SUSD4: variants seen among roughly 807,000 people sequenced by gnomAD.
SUSD4 encodes the protein sushi domain-containing protein 4.
Under a neutral mutation model 50.5 loss-of-function variants are expected in SUSD4, and 41 were observed. The observed-to-expected ratio is 0.81, with a 90% CI of 0.63 to 1.05. The LOEUF is 1.05. SUSD4 is among the 50% of genes least tolerant of loss of function. SUSD4 has a pLI of 0.00. For missense variants in SUSD4, 580 were observed against 634.7 expected, an observed-to-expected ratio of 0.91 and a Z score of 0.93; for synonymous variants, 257 against 257.3, an observed-to-expected ratio of 1.00 and a Z score of 0.01.
At chr1:223,271,258 T>G (rs1662901298) in intron 3 of SUSD4, among the ~76,000 whole-genome samples, 1 of 152,220 alleles carries the variant, frequency 6.6e-6, no homozygotes, top group Non-Finnish European at 1.5e-5. Context: ...TTGGGCATTA[T>G]GGACACGTGG....
chr1:223,268,576 C>G lies in SUSD4; in HGVS notation c.461G>C (p.Arg154Pro). The G allele has an allele frequency of 6.2e-7, 1 of 1,610,936 alleles. No homozygotes were observed. The highest frequency in any genetic ancestry group is 1.3e-5 in the African/African-American group (1 of 74,516). Residue 154 changes from arginine to proline, a missense_variant, in exon 4 of 9, where the codon CGG (arginine) becomes CCG (proline). Transcript: ENST00000366878. The part of the protein sequence containing the change: ...IITCHEGFKI[R>P]YPDLHNMVSL... The stretch of plus-strand genomic sequence containing the variant: ...AACCATATTGTGTAGGTCGGGGTAC[C>G]GGATCTTGAATCCTTCATGACAAGT...
intron 3 of SUSD4, chr1:223,289,369 T>G: frequency 1.1e-6 from 1 of 931,448 alleles, no homozygotes; most frequent in Non-Finnish European, 1.3e-6. Context: ...TCTATAAATT[T>G]AGTTCACTTG....
chr1:223,240,038 AT>A (rs373418922), intron 5 of SUSD4, among the ~76,000 whole-genome samples: 43 of 151,912 alleles, frequency 2.8e-4, no homozygotes, highest in African/African-American at 7.2e-4. Flanking sequence ...CTGAACGTTA[AT>A]TTTTGTGGGG....
At chr1:223,261,757 G>T (rs1331986246) in intron 5 of SUSD4, among the ~76,000 whole-genome samples, 1 of 152,168 alleles carries the variant, frequency 6.6e-6, no homozygotes, top group African/African-American at 2.4e-5. Flanking sequence ...AGAGAGTCAT[G>T]CTAGGTTCTC....
Position 223,223,533 on chromosome 1 carries a change from A to C in SUSD4, c.1160T>G (p.Leu387Trp). ...CATGTACCCGGGGCCTAAGGCACTC[A>C]AGCCGCCACTCACAGCTTCGTCATA... ...PSYDEAVSGG[L>W]SALGPGYMAS... is the part of the protein sequence containing the mutation. Residue 387 changes from leucine to tryptophan, a missense_variant, in exon 8 of 9, where the codon TTG (leucine) becomes TGG (tryptophan). Coordinates refer to ENST00000366878, the MANE Select transcript of SUSD4 (RefSeq NM_017982.4). The C allele has an allele frequency of 6.2e-7, 1 of 1,612,610 alleles. No homozygotes were observed.
At chr1:223,244,713 G>C (rs1216952526) in intron 5 of SUSD4, among the ~76,000 whole-genome samples, 1 of 152,158 alleles carries the variant, frequency 6.6e-6, no homozygotes, top group East Asian at 1.9e-4. Context: ...GTGGTAGGGA[G>C]CTGCTCTGTC....
At chr1:223,247,399 C>G (rs1661012770) in intron 5 of SUSD4, among the ~76,000 whole-genome samples, 1 of 152,230 alleles carries the variant, frequency 6.6e-6, no homozygotes, top group Non-Finnish European at 1.5e-5. Context: ...GCCAGCAGAG[C>G]TTCCACTGGC....
At chr1:223,327,070 T>C (rs762317245) in intron 2 of SUSD4, among the ~76,000 whole-genome samples, 11 of 152,112 alleles carry the variant, frequency 7.2e-5, no homozygotes, top group African/African-American at 2.4e-4. Flanking sequence ...CAATTCACAA[T>C]TGCAAAAATA....
chr1:223,278,245 G>A (rs1663421903), intron 3 of SUSD4, among the ~76,000 whole-genome samples: 1 of 152,164 alleles, frequency 6.6e-6, no homozygotes. Context: ...CCCACCGAGT[G>A]TGAGCCAAAG....
chr1:223,222,867 T>C (rs1047996752), intron 8 of SUSD4, among the ~76,000 whole-genome samples: 2 of 152,148 alleles, frequency 1.3e-5, no homozygotes, highest in Non-Finnish European at 1.5e-5. Flanking sequence ...TGCCATCCTG[T>C]CCCTAAGCCC....
Position 223,223,236 on chromosome 1 carries a change from G to T in SUSD4, c.1444+13C>A, listed in dbSNP as rs1247454116. 6.6e-7 allele frequency: 1 copy of T among 1,522,260 alleles called. No homozygotes were observed. The highest frequency in any genetic ancestry group is 1.4e-5 in the African/African-American group (1 of 72,566). The allele number at this position is 1,522,260 out of a possible 1,614,324, so 94.3% of individuals were successfully genotyped here. ...TTTGCAGGTGTGGCTTGGGCCCTGG[G>T]GCAAGCACTTACCATCTGCAATGTC... On this transcript the variant is annotated intron_variant, in intron 8 of 8. Transcript: ENST00000366878.
chr1:223,289,145 C>T (rs953922460), intron 3 of SUSD4: 4 of 985,432 alleles, frequency 4.1e-6, no homozygotes, highest in Middle Eastern at 5.2e-4. Context: ...CCTGCGCCCA[C>T]GGGGTGTATT....
rs762803469 is a variant in SUSD4 at position 223,227,764 on chromosome 1, C to T, written c.917-26G>A. 7.6e-5 allele frequency: 120 copies of T among 1,587,506 alleles called. 2 individuals are homozygous for T. The South Asian group carries it at 8.2e-4, about 11-fold the overall frequency. On this transcript the variant is annotated intron_variant, in intron 6 of 8. Transcript: ENST00000366878. The surrounding 1 kb of genome is among the most constrained non-coding windows in gnomAD (Gnocchi z 4.5). ...CTGCATGAGGGAGAACAAAGCTGTACGTGAGGCTCCCAGACCATGAGAGGT... is the reference window on the plus strand; with the variant it reads ...CTGCATGAGGGAGAACAAAGCTGTATGTGAGGCTCCCAGACCATGAGAGGT...
At chr1:223,315,692 A>G (rs1023416441) in intron 2 of SUSD4, among the ~76,000 whole-genome samples, 1 of 152,184 alleles carries the variant, frequency 6.6e-6, no homozygotes, top group Non-Finnish European at 1.5e-5. Flanking sequence ...AATCCATCAG[A>G]TGGCTACAAT....
intron 5 of SUSD4, among the ~76,000 whole-genome samples, chr1:223,262,593 C>T (rs930870895): frequency 2.0e-5 from 3 of 152,292 alleles, no homozygotes; most frequent in Admixed American, 6.5e-5. Context: ...CGAATCCTTA[C>T]CTCTTAGTTT....
At chr1:223,251,665 G>A (rs376394864) in intron 5 of SUSD4, among the ~76,000 whole-genome samples, 1 of 152,146 alleles carries the variant, frequency 6.6e-6, no homozygotes, top group African/African-American at 2.4e-5. Flanking sequence ...TTGGACATTT[G>A]GGTTGGTTCC....
chr1:223,292,938 C>G (rs1664592397), intron 2 of SUSD4, among the ~76,000 whole-genome samples: 1 of 152,148 alleles, frequency 6.6e-6, no homozygotes, highest in African/African-American at 2.4e-5. Context: ...TGACAAGTGC[C>G]ACAAAAGATG....
At position 223,220,982 on chromosome 1, in the gene SUSD4, C is replaced by T. The variant is rs1158816085; in HGVS notation, c.*1210G>A. 4 of 400,682 alleles carry T rather than the reference C, an allele frequency of 1.0e-5. No individual in the cohort carries two copies. Among genetic ancestry groups the T allele is most frequent in the South Asian group, 2.5e-4 (2 of 7,950 alleles). 24.8% of individuals were successfully genotyped at this position (400,682 alleles called of 1,614,324 possible). A position where few individuals can be genotyped will look rare whatever the true frequency, so the allele number is the denominator to read the frequency against. ...AAGAGAAGGAAAGGAATCAACTCCA[C>T]AGATCAACATGTATTTGAAGAGACA... On this transcript the variant is annotated 3_prime_UTR_variant, in exon 9 of 9. Transcript: ENST00000366878.
At chr1:223,247,649 C>CTGCCACACACTCTTCAAA (rs1373119381) in intron 5 of SUSD4, among the ~76,000 whole-genome samples, 1 of 152,186 alleles carries the variant, frequency 6.6e-6, no homozygotes, top group South Asian at 2.1e-4. Context: ...ACACCTCTTT[C>CTGCCACACACTCTTCAAA]TGCCATGTTA....
Sources: allele counts gnomAD v4.1 joint callset (sites outside exome capture counted in the v4.1 genomes callset), GRCh38; gene constraint gnomAD v4.1.1; non-coding constraint Gnocchi (gnomAD v3.1); transcripts MANE v1.5; gene names NCBI Gene and HGNC (gene_info 2026-07-23, HGNC 2026-07-21).